RSPO3: variants seen among roughly 807,000 people sequenced by gnomAD.
The protein encoded by RSPO3 is R-spondin-3.
In RSPO3, 17 loss-of-function variants were observed where a neutral mutation model predicts 36.5. That is an observed-to-expected ratio of 0.47 (90% CI 0.32 to 0.70). The LOEUF is 0.70. Ranked by LOEUF, RSPO3 falls within the 30% of genes least tolerant of loss-of-function variation. The pLI is 0.04. For missense variants in RSPO3, 294 were observed against 322.5 expected (o/e 0.91, Z 0.68); for synonymous variants, 108 against 107.0 (o/e 1.01, Z -0.06).
Position 127,173,028 on chromosome 6 carries a change from A to G in RSPO3, c.634+17590A>G, listed in dbSNP as rs1462268907. The stretch of plus-strand genomic sequence containing the variant: ...TTTCAACACTTTTGCCCTGTGTTCA[A>G]GAGGATCATTTATTTCTAATCATCT... On this transcript the variant is annotated intron_variant, in intron 4 of 4. Transcript: ENST00000356698. 4.0e-5 allele frequency among the ~76,000 whole-genome samples: 6 copies of G among 151,228 alleles called. No individual in the cohort carries two copies. The East Asian group carries it at 9.7e-4, about 24-fold the overall frequency.
rs575913167 is a variant in RSPO3, at chr6:127,151,714, A to T, written c.436+1142A>T. Among the ~76,000 whole-genome samples the T allele has an allele frequency of 1.6e-4, 25 of 152,232 alleles. No homozygotes were observed. The South Asian group carries it at 4.6e-3, about 28-fold the overall frequency. ...AGATAATTTTAGAAGCATCTGGAAA[A>T]CAACAGTCTTGAAACAGTTCGTGGC... On this transcript the variant is annotated intron_variant, in intron 3 of 4. Coordinates refer to ENST00000356698, the MANE Select transcript of RSPO3 (RefSeq NM_032784.5).
At chr6:127,122,871 GT>G (rs1451862329) in intron 1 of RSPO3, among the ~76,000 whole-genome samples, 1 of 151,898 alleles carries the variant, frequency 6.6e-6, no homozygotes, top group Non-Finnish European at 1.5e-5. Flanking sequence ...GTGCCAGAAG[GT>G]TATTGTTAGA....
At chr6:127,173,980 A>G (rs1056138548) in intron 4 of RSPO3, among the ~76,000 whole-genome samples, 10 of 151,896 alleles carry the variant, frequency 6.6e-5, no homozygotes, top group East Asian at 3.9e-4. Context: ...GTGTGGGCGC[A>G]CAGAGGGCGT....
chr6:127,191,877 T>C (rs117998687), intron 4 of RSPO3, among the ~76,000 whole-genome samples: 19 of 152,310 alleles, frequency 1.2e-4, no homozygotes, highest in Admixed American at 3.9e-4. Flanking sequence ...AACATGGCAA[T>C]TGAAGCCCGT....
intron 4 of RSPO3, among the ~76,000 whole-genome samples, chr6:127,156,230 T>G (rs1774596380): frequency 6.6e-6 from 1 of 152,200 alleles, no homozygotes; most frequent in African/African-American, 2.4e-5. Flanking sequence ...TATTGATTTC[T>G]TTTCATATTC....
intron 3 of RSPO3, among the ~76,000 whole-genome samples, chr6:127,153,461 A>T (rs1259507544): frequency 6.6e-6 from 1 of 151,966 alleles, no homozygotes; most frequent in African/African-American, 2.4e-5. Flanking sequence ...CTCTGGTCTC[A>T]TTAGAACTTT....
At chr6:127,180,412 A>C (rs1226662654) in intron 4 of RSPO3, among the ~76,000 whole-genome samples, 2 of 149,822 alleles carry the variant, frequency 1.3e-5, no homozygotes, top group East Asian at 4.0e-4. Context: ...CAAAAAACCA[A>C]CAGGAATAAA....
chr6:127,131,763 A>G (rs778005903), intron 1 of RSPO3, among the ~76,000 whole-genome samples: 1 of 152,094 alleles, frequency 6.6e-6, no homozygotes, highest in Non-Finnish European at 1.5e-5. Context: ...TTAGCAACTC[A>G]TGGAGGATCA....
intron 4 of RSPO3, among the ~76,000 whole-genome samples, chr6:127,165,320 G>A (rs537828107): frequency 6.6e-6 from 1 of 152,126 alleles, no homozygotes; most frequent in Admixed American, 6.6e-5. Context: ...TATGGAATAT[G>A]TACATATGAT....
At chr6:127,166,485 G>A (rs1456578612) in intron 4 of RSPO3, among the ~76,000 whole-genome samples, 1 of 151,968 alleles carries the variant, frequency 6.6e-6, no homozygotes, top group Non-Finnish European at 1.5e-5. Flanking sequence ...ATGACTTTAA[G>A]CAAATTCTTT....
At position 127,197,676 on chromosome 6, in the gene RSPO3, A is replaced by C; in HGVS notation, c.*1669A>C. ...GCTTATCTCTGGACACCCGTTCTCC[A>C]CCAGTTGTACAGTTCATGTAATCTA... On this transcript the variant is annotated 3_prime_UTR_variant, in exon 5 of 5. Coordinates refer to ENST00000356698, the MANE Select transcript of RSPO3 (RefSeq NM_032784.5). 1 of 877,506 alleles carries C rather than the reference A, an allele frequency of 1.1e-6. No homozygotes were observed. Among genetic ancestry groups the C allele is most frequent in the Non-Finnish European group, 1.7e-6 (1 of 595,954 alleles). The allele number at this position is 877,506 out of a possible 1,614,324, so 54.4% of individuals were successfully genotyped here. A position where few individuals can be genotyped will look rare whatever the true frequency, so the allele number is the denominator to read the frequency against.
chr6:127,192,335 T>C (rs138427004), intron 4 of RSPO3, among the ~76,000 whole-genome samples: 3 of 152,300 alleles, frequency 2.0e-5, no homozygotes, highest in African/African-American at 7.2e-5. Flanking sequence ...GTCCCATGAG[T>C]AACATATGCC....
At position 127,119,005 on chromosome 6, in the gene RSPO3, T is replaced by C; in HGVS notation, c.-188T>C. ...CTTGGATAATTTGAAAGTACAATAG[T>C]TGGTTTCCCTGTCCACCCGCCCCAC... On this transcript the variant is annotated 5_prime_UTR_variant, in exon 1 of 5. Coordinates refer to ENST00000356698, the MANE Select transcript of RSPO3 (RefSeq NM_032784.5). The C allele has an allele frequency of 2.1e-6, 1 of 482,908 alleles. No individual in the cohort carries two copies. The highest frequency in any genetic ancestry group is 3.6e-6 in the Non-Finnish European group (1 of 274,550). The allele number at this position is 482,908 out of a possible 1,614,324, so 29.9% of individuals were successfully genotyped here.
chr6:127,163,584 T>C (rs1252509882), intron 4 of RSPO3, among the ~76,000 whole-genome samples: 1 of 152,110 alleles, frequency 6.6e-6, no homozygotes, highest in African/African-American at 2.4e-5. Context: ...GCCCTTCTCT[T>C]TCTATTTAAT....
At chr6:127,133,248 T>C (rs963415554) in intron 1 of RSPO3, among the ~76,000 whole-genome samples, 1 of 152,106 alleles carries the variant, frequency 6.6e-6, no homozygotes, top group African/African-American at 2.4e-5. Flanking sequence ...AAATACTGTA[T>C]TTGCTATAAA....
intron 1 of RSPO3, among the ~76,000 whole-genome samples, chr6:127,126,157 G>A (rs938712090): frequency 6.6e-6 from 1 of 152,046 alleles, no homozygotes; most frequent in African/African-American, 2.4e-5. Flanking sequence ...GGAGAAGCAG[G>A]TCTTGTTGGA....
chr6:127,174,338 C>G (rs140973033), intron 4 of RSPO3, among the ~76,000 whole-genome samples: 1 of 151,948 alleles, frequency 6.6e-6, no homozygotes, highest in African/African-American at 2.4e-5. Flanking sequence ...TTTGCAAATT[C>G]AAGGTTGGCC....
At position 127,163,091 on chromosome 6, in the gene RSPO3, G is replaced by A. The variant is rs17812456; in HGVS notation, c.634+7653G>A. On this transcript the variant is annotated intron_variant, in intron 4 of 4. Coordinates refer to ENST00000356698, the MANE Select transcript of RSPO3 (RefSeq NM_032784.5). Reference sequence around the variant, plus strand: ...CAACTGAGATCCCTGCCAATTAGGAGGGTTCCCTAGAGAGAGACTCCGAGA... The same window carrying A: ...CAACTGAGATCCCTGCCAATTAGGAAGGTTCCCTAGAGAGAGACTCCGAGA... Among the ~76,000 whole-genome samples, 737 of 152,110 alleles carry A rather than the reference G, an allele frequency of 4.8e-3. 2 individuals carry two copies. Among genetic ancestry groups the A allele is most frequent in the Middle Eastern group, 0.01 (3 of 294 alleles).
rs1235697232 is a variant in RSPO3 at position 127,119,094 on chromosome 6, T to C, written c.-99T>C. The stretch of plus-strand genomic sequence containing the variant: ...GAGAAGTCCCGCTGCTCGGGCACTG[T>C]CTATATACGCCTAACACCTACATAT... On this transcript the variant is annotated 5_prime_UTR_variant, in exon 1 of 5. Transcript: ENST00000356698. 2 of 918,704 alleles carry C rather than the reference T, an allele frequency of 2.2e-6. No individual in the cohort carries two copies. Among genetic ancestry groups the C allele is most frequent in the Non-Finnish European group, 3.4e-6 (2 of 592,926 alleles). 56.9% of individuals were successfully genotyped at this position (918,704 alleles called of 1,614,324 possible). A position where few individuals can be genotyped will look rare whatever the true frequency, so the allele number is the denominator to read the frequency against.
Sources: allele counts gnomAD v4.1 joint callset (sites outside exome capture counted in the v4.1 genomes callset), GRCh38; gene constraint gnomAD v4.1.1; transcripts MANE v1.5; gene names NCBI Gene and HGNC (gene_info 2026-07-23, HGNC 2026-07-21).